Variants in GULP1 observed in about 807,000 individuals in gnomAD.
GULP1 encodes the protein GULP PTB domain containing engulfment adaptor 1.
In GULP1, 19 loss-of-function variants were observed where a neutral mutation model predicts 40.9. That is an observed-to-expected ratio of 0.46 (90% CI 0.32 to 0.68). GULP1 has a LOEUF of 0.68. Among genes scored for constraint, GULP1 ranks in the 30% least tolerant of loss-of-function variants. The pLI is 0.03. For missense variants in GULP1, 312 were observed against 362.2 expected (o/e 0.86, Z 1.12); for synonymous variants, 119 against 117.6 (o/e 1.01, Z -0.08).
At chr2:188,412,214 G>A (rs1281400088) in intron 2 of GULP1, among the ~76,000 whole-genome samples, 1 of 152,108 alleles carries the variant, frequency 6.6e-6, no homozygotes, top group African/African-American at 2.4e-5. Context: ...CCCAGCAAAA[G>A]GGGGAGAAGC....
At chr2:188,525,470 A>G (rs1052478036) in intron 5 of GULP1, among the ~76,000 whole-genome samples, 28 of 152,172 alleles carry the variant, frequency 1.8e-4, no homozygotes, top group African/African-American at 6.5e-4. Flanking sequence ...TTCAACTTCT[A>G]TGTATTGAAT....
chr2:188,312,247 T>G (rs567703615), intron 1 of GULP1, among the ~76,000 whole-genome samples: 71 of 152,268 alleles, frequency 4.7e-4, no homozygotes, highest in African/African-American at 1.6e-3. Context: ...GTTACACAGA[T>G]ATATGTTTTC....
At chr2:188,551,809 C>CT (rs1417962901) in intron 7 of GULP1, among the ~76,000 whole-genome samples, 2 of 151,742 alleles carry the variant, frequency 1.3e-5, no homozygotes. Flanking sequence ...ATAAAAGTTC[C>CT]TTTTTCTCCA....
chr2:188,556,774 G>A (rs113334318), intron 7 of GULP1, among the ~76,000 whole-genome samples: 6 of 152,218 alleles, frequency 3.9e-5, no homozygotes, highest in Admixed American at 1.3e-4. Flanking sequence ...GGTGGCTCAC[G>A]CCTGTAATCC....
chr2:188,495,742 A>G (rs1275701020), intron 4 of GULP1, among the ~76,000 whole-genome samples: 1 of 152,018 alleles, frequency 6.6e-6, no homozygotes, highest in East Asian at 1.9e-4. Context: ...AAATCTGTAC[A>G]GTGCCTAGCA....
intron 1 of GULP1, among the ~76,000 whole-genome samples, chr2:188,317,203 T>TA (rs1398259981): frequency 6.6e-6 from 1 of 152,130 alleles, no homozygotes; most frequent in East Asian, 1.9e-4. Flanking sequence ...AGGAAGGAAT[T>TA]ACGTAATTTT....
At chr2:188,557,369 T>C (rs2153397896) in intron 7 of GULP1, among the ~76,000 whole-genome samples, 1 of 152,232 alleles carries the variant, frequency 6.6e-6, no homozygotes, top group African/African-American at 2.4e-5. Context: ...AAGTACTGGG[T>C]AAACATTCCC....
At chr2:188,493,108 C>T (rs753343134) in intron 4 of GULP1, among the ~76,000 whole-genome samples, 4 of 152,052 alleles carry the variant, frequency 2.6e-5, no homozygotes, top group Non-Finnish European at 5.9e-5. Flanking sequence ...TTCTTCTTCT[C>T]TATTTACGAG....
intron 2 of GULP1, among the ~76,000 whole-genome samples, chr2:188,445,487 T>C (rs986120527): frequency 2.0e-5 from 3 of 152,096 alleles, no homozygotes; most frequent in Non-Finnish European, 2.9e-5. Flanking sequence ...TTGATAAAAA[T>C]AAATATTTTT....
intron 7 of GULP1, among the ~76,000 whole-genome samples, chr2:188,558,043 G>T (rs913276837): frequency 6.6e-6 from 1 of 152,122 alleles, no homozygotes; most frequent in African/African-American, 2.4e-5. Flanking sequence ...TTACTTCAGG[G>T]CCTTTCCCCC....
At chr2:188,304,345 C>T (rs2036674621) in intron 1 of GULP1, among the ~76,000 whole-genome samples, 1 of 152,058 alleles carries the variant, frequency 6.6e-6, no homozygotes. Flanking sequence ...TTTCTTATAC[C>T]TATGAGTTGA....
At chr2:188,560,650 AAG>A (rs1696003730) in intron 7 of GULP1, among the ~76,000 whole-genome samples, 1 of 152,150 alleles carries the variant, frequency 6.6e-6, no homozygotes, top group African/African-American at 2.4e-5. Context: ...GTAATTTATA[AAG>A]AGAGAAGTTT....
At chr2:188,575,084 C>G (rs962615832) in intron 9 of GULP1, among the ~76,000 whole-genome samples, 28 of 152,116 alleles carry the variant, frequency 1.8e-4, no homozygotes, top group Non-Finnish European at 3.7e-4. Context: ...AGGTTGAAGC[C>G]TTGAATAAAA....
chr2:188,466,014 C>T (rs1244114523), intron 2 of GULP1, among the ~76,000 whole-genome samples: 2 of 151,366 alleles, frequency 1.3e-5, no homozygotes, highest in African/African-American at 4.9e-5. Context: ...AACTTGGTGT[C>T]CTCACTGGGG....
At chr2:188,378,250 A>G (rs962208859) in intron 1 of GULP1, among the ~76,000 whole-genome samples, 1 of 151,134 alleles carries the variant, frequency 6.6e-6, no homozygotes, top group East Asian at 1.9e-4. Context: ...CTTTGCTTCA[A>G]TTCTACTCAT....
intron 6 of GULP1, 34 bp downstream of exon 6, chr2:188,529,229 T>G: frequency 1.0e-6 from 1 of 974,404 alleles, no homozygotes; most frequent in Non-Finnish European, 1.6e-6. Flanking sequence ...GAGGCAATCT[T>G]TAATTAATTG....
intron 2 of GULP1, among the ~76,000 whole-genome samples, chr2:188,437,163 C>T (rs2057483936): frequency 6.6e-6 from 1 of 151,912 alleles, no homozygotes; most frequent in South Asian, 2.1e-4. Context: ...CAGAAATGTC[C>T]CTGAATCTTT....
At chr2:188,352,622 A>T (rs1201104987) in intron 1 of GULP1, among the ~76,000 whole-genome samples, 108 of 144,436 alleles carry the variant, frequency 7.5e-4, no homozygotes, top group South Asian at 3.6e-3. Context: ...TCTCTCTCAC[A>T]CACACACACA....
At chr2:188,362,026 T>C (rs1002169224) in intron 1 of GULP1, among the ~76,000 whole-genome samples, 2 of 152,104 alleles carry the variant, frequency 1.3e-5, no homozygotes, top group Non-Finnish European at 2.9e-5. Flanking sequence ...TCATGACATC[T>C]TTATGAACCT....
Sources: allele counts gnomAD v4.1 joint callset (sites outside exome capture counted in the v4.1 genomes callset), GRCh38; gene constraint gnomAD v4.1.1; transcripts MANE v1.5; gene names NCBI Gene and HGNC (gene_info 2026-07-23, HGNC 2026-07-21).